Variants in STAC observed in about 807,000 individuals in gnomAD.
STAC encodes SH3 and cysteine-rich domain-containing protein.
A neutral mutation model predicts 48.8 loss-of-function variants in STAC; 43 were observed. That is an observed-to-expected ratio of 0.88 (90% confidence interval 0.69 to 1.14). The LOEUF is 1.14. STAC is among the 50% of genes most tolerant of loss of function. The probability of loss-of-function intolerance (pLI) is 0.00; values close to 1 mark genes in which losing one functional copy is unlikely to be tolerated. For synonymous variants in STAC, 193 were observed against 179.5 expected (o/e 1.07, Z -0.60); for missense variants, 497 against 504.0 (o/e 0.99, Z 0.13).
intron 2 of STAC, among the ~76,000 whole-genome samples, chr3:36,462,462 G>T (rs1355783469): frequency 1.3e-5 from 2 of 152,062 alleles, no homozygotes; most frequent in African/African-American, 4.8e-5. Context: ...GTATTTAAAG[G>T]CATAAGACCT....
At chr3:36,524,197 C>G (rs115783738) in intron 8 of STAC, among the ~76,000 whole-genome samples, 1 of 152,134 alleles carries the variant, frequency 6.6e-6, no homozygotes, top group Admixed American at 6.5e-5. Flanking sequence ...GAGCCCCCAT[C>G]AAGGAGTTGT....
chr3:36,449,624 G>C (rs1161201676), intron 2 of STAC, among the ~76,000 whole-genome samples: 1 of 152,174 alleles, frequency 6.6e-6, no homozygotes, highest in Admixed American at 6.5e-5. Flanking sequence ...CTGCTGCCAA[G>C]TACTGTGTAT....
chr3:36,441,082 T>G (rs1175825101), intron 1 of STAC, among the ~76,000 whole-genome samples: 1 of 152,214 alleles, frequency 6.6e-6, no homozygotes, highest in East Asian at 1.9e-4. Flanking sequence ...ATTTATCATT[T>G]TTTTGTGTTG....
At chr3:36,525,298 T>C (rs1311714293) in intron 8 of STAC, among the ~76,000 whole-genome samples, 1 of 152,184 alleles carries the variant, frequency 6.6e-6, no homozygotes, top group African/African-American at 2.4e-5. Context: ...GAGCTCTTTT[T>C]TAGGAAAGGA....
rs1559514023 is a variant in STAC at position 36,497,278 on chromosome 3, C to T, written c.766+4049C>T. 2.0e-5 allele frequency among the ~76,000 whole-genome samples: 3 copies of T among 152,234 alleles called. No individual in the cohort carries two copies. In the East Asian group the frequency reaches 5.8e-4, roughly 29 times the overall value. On this transcript the variant is annotated intron_variant, in intron 6 of 10. Transcript: ENST00000273183. ...CTTTTTAAAGTTGAACAGAAGATTC[C>T]CTTTCCAGCATTGTGGAGAACTGGA...
rs112809938 is a variant in STAC at position 36,453,865 on chromosome 3, A to G, written c.388+10225A>G. ...CTAGCTCAAGGTTTGTAAACACACC[A>G]ATCAGCATCCTGTGTCTAGCTCAGG... On this transcript the variant is annotated intron_variant, in intron 2 of 10. Coordinates refer to ENST00000273183, the MANE Select transcript of STAC (RefSeq NM_003149.3). 8.1e-3 allele frequency among the ~76,000 whole-genome samples: 1,238 copies of G among 152,320 alleles called. 21 individuals carry two copies. Among genetic ancestry groups the G allele is most frequent in the African/African-American group, 0.026 (1,080 of 41,574 alleles).
chr3:36,436,423 C>G (rs1308901362), intron 1 of STAC, among the ~76,000 whole-genome samples: 4 of 152,156 alleles, frequency 2.6e-5, no homozygotes, highest in African/African-American at 4.8e-5. Flanking sequence ...CATGCCATGA[C>G]CTACAAGGTC....
At chr3:36,462,796 A>C (rs768476914) in intron 2 of STAC, among the ~76,000 whole-genome samples, 5 of 152,212 alleles carry the variant, frequency 3.3e-5, no homozygotes, top group Non-Finnish European at 7.4e-5. Context: ...GGTAAGGAAG[A>C]GATTCTAATG....
At position 36,475,739 on chromosome 3, in the gene STAC, A is replaced by C. The variant is rs1196289254; in HGVS notation, c.389-7253A>C. Among the ~76,000 whole-genome samples, 3 of 152,240 alleles carry C rather than the reference A, an allele frequency of 2.0e-5. No homozygotes were observed. The East Asian group carries it at 5.8e-4, about 29-fold the overall frequency. ...AGCAAAATTATAAAGGTCAAGAGGC[A>C]CAGCTAACTTAGTTCTTGTCCAGAT... On this transcript the variant is annotated intron_variant, in intron 2 of 10. Coordinates refer to ENST00000273183, the MANE Select transcript of STAC (RefSeq NM_003149.3).
chr3:36,499,919 A>G (rs1698242352), intron 6 of STAC, among the ~76,000 whole-genome samples: 2 of 152,256 alleles, frequency 1.3e-5, no homozygotes, highest in South Asian at 4.1e-4. Context: ...AAGACCAAGA[A>G]AGCATTACTA....
At chr3:36,413,332 GACTT>G (rs1392517980) in intron 1 of STAC, among the ~76,000 whole-genome samples, 3 of 152,138 alleles carry the variant, frequency 2.0e-5, no homozygotes, top group Non-Finnish European at 4.4e-5. Flanking sequence ...GGTCTCTAAG[GACTT>G]ACTTTATGAA....
intron 2 of STAC, among the ~76,000 whole-genome samples, chr3:36,449,068 A>C (rs936090718): frequency 3.3e-5 from 5 of 152,090 alleles, no homozygotes; most frequent in Non-Finnish European, 5.9e-5. Context: ...ACGATGAGCT[A>C]TGATCACACC....
intron 2 of STAC, among the ~76,000 whole-genome samples, chr3:36,467,149 T>C (rs1187062797): frequency 6.6e-6 from 1 of 152,212 alleles, no homozygotes; most frequent in East Asian, 1.9e-4. Context: ...ATCACATTTA[T>C]TGACTTACAT....
chr3:36,499,306 A>G (rs1275728728), intron 6 of STAC, among the ~76,000 whole-genome samples: 1 of 152,202 alleles, frequency 6.6e-6, no homozygotes, highest in Admixed American at 6.5e-5. Flanking sequence ...GTTGTTAATA[A>G]AACATTAGCT....
At chr3:36,446,603 G>C (rs1297212498) in intron 2 of STAC, among the ~76,000 whole-genome samples, 2 of 152,152 alleles carry the variant, frequency 1.3e-5, no homozygotes, top group Non-Finnish European at 2.9e-5. Flanking sequence ...AAATCTGTGT[G>C]ATAATCTGCA....
At chr3:36,454,923 CACT>C (rs1392704110) in intron 2 of STAC, among the ~76,000 whole-genome samples, 1 of 152,124 alleles carries the variant, frequency 6.6e-6, no homozygotes, top group African/African-American at 2.4e-5. Context: ...TTTCTTGAAC[CACT>C]GTGTAGAGAT....
chr3:36,436,199 GCC>G (rs1407719153), intron 1 of STAC, among the ~76,000 whole-genome samples: 1 of 152,146 alleles, frequency 6.6e-6, no homozygotes, highest in Non-Finnish European at 1.5e-5. Context: ...TCCAAATTCA[GCC>G]GTATCTTACC....
At chr3:36,487,325 T>C (rs2125702636) in intron 5 of STAC, among the ~76,000 whole-genome samples, 1 of 152,380 alleles carries the variant, frequency 6.6e-6, no homozygotes, top group South Asian at 2.1e-4. Context: ...GGTAGGATTA[T>C]AGGTCCTCTG....
At chr3:36,439,681 G>A (rs1696276358) in intron 1 of STAC, among the ~76,000 whole-genome samples, 1 of 152,186 alleles carries the variant, frequency 6.6e-6, no homozygotes, top group African/African-American at 2.4e-5. Context: ...CATCAGTCCA[G>A]TTTATAGCCT....
Sources: gnomAD v4.1 joint callset for allele counts (sites outside exome capture counted in the v4.1 genomes callset) on GRCh38, gnomAD v4.1.1 for gene constraint, MANE v1.5 for transcripts, NCBI Gene and HGNC (gene_info 2026-07-23, HGNC 2026-07-21) for gene names.